The following OPCML variants were observed in gnomAD, a reference collection of about 807,000 sequenced individuals.
OPCML encodes the protein opioid-binding protein/cell adhesion molecule.
OPCML carries 13 observed loss-of-function variants against 37.8 expected under a neutral mutation model. The ratio of observed to expected loss-of-function variants is 0.34; its 90% CI spans 0.22 to 0.55. The LOEUF is 0.55. Among genes scored for constraint, OPCML ranks in the 20% least tolerant of loss-of-function variants. The pLI is 0.91. For missense variants in OPCML, 341 were observed against 435.6 expected (o/e 0.78, Z 1.93); for synonymous variants, 176 against 168.8 (o/e 1.04, Z -0.33).
intron 1 of OPCML, among the ~76,000 whole-genome samples, chr11:133,476,241 C>G (rs752737108): frequency 2.6e-5 from 4 of 152,198 alleles, no homozygotes; most frequent in Non-Finnish European, 5.9e-5. Flanking sequence ...AGTAGACAAA[C>G]AGTACAACAT....
chr11:133,437,328 C>A (rs780278386), intron 1 of OPCML, among the ~76,000 whole-genome samples: 15 of 152,142 alleles, frequency 9.9e-5, no homozygotes, highest in Non-Finnish European at 1.5e-5. Flanking sequence ...AGATGGCGGG[C>A]AGAAGCTATT....
At chr11:132,823,628 A>C (rs1940122227) in intron 2 of OPCML, among the ~76,000 whole-genome samples, 3 of 152,152 alleles carry the variant, frequency 2.0e-5, no homozygotes, top group Admixed American at 2.0e-4. Context: ...CACTCCCTTT[A>C]ACTCACTGCT....
At chr11:132,434,055 T>C (rs2096005724) in intron 7 of OPCML, among the ~76,000 whole-genome samples, 2 of 152,206 alleles carry the variant, frequency 1.3e-5, no homozygotes, top group Non-Finnish European at 1.5e-5. Context: ...CATTGGGTTG[T>C]CAGTCCTGTG....
chr11:133,152,572 C>CT (rs1040785165), intron 1 of OPCML, among the ~76,000 whole-genome samples: 1 of 151,046 alleles, frequency 6.6e-6, no homozygotes, highest in Non-Finnish European at 1.5e-5. Flanking sequence ...CCTCCTGATC[C>CT]CCCCCCAACC....
chr11:132,610,655 A>G (rs117449597), intron 3 of OPCML, among the ~76,000 whole-genome samples: 1,623 of 152,274 alleles, frequency 0.011, 12 homozygotes, highest in Non-Finnish European at 0.015. Context: ...ACTTGCAGCC[A>G]AAGAAACCAC....
intron 4 of OPCML, among the ~76,000 whole-genome samples, chr11:132,457,909 G>C (rs189109587): frequency 6.6e-6 from 1 of 152,190 alleles, no homozygotes; most frequent in African/African-American, 2.4e-5. Flanking sequence ...ATGGGTCCAC[G>C]CTAGTGAAAA....
chr11:133,116,999 G>A (rs532101297), intron 1 of OPCML, among the ~76,000 whole-genome samples: 1 of 151,906 alleles, frequency 6.6e-6, no homozygotes, highest in African/African-American at 2.4e-5. Flanking sequence ...ATTCCATGTA[G>A]TCATTCACTT....
At chr11:132,735,797 T>C (rs1253246032) in intron 2 of OPCML, among the ~76,000 whole-genome samples, 1 of 152,202 alleles carries the variant, frequency 6.6e-6, no homozygotes, top group African/African-American at 2.4e-5. Context: ...AAGGATTTTA[T>C]TGACAGATAT....
chr11:133,449,817 G>A (rs1946544904), intron 1 of OPCML, among the ~76,000 whole-genome samples: 1 of 151,602 alleles, frequency 6.6e-6, no homozygotes, highest in Admixed American at 6.6e-5. Flanking sequence ...ACATTCTGAG[G>A]CTCCAGGTAA....
intron 2 of OPCML, among the ~76,000 whole-genome samples, chr11:132,812,488 G>T (rs1591643140): frequency 6.6e-6 from 1 of 152,230 alleles, no homozygotes; most frequent in Non-Finnish European, 1.5e-5. Flanking sequence ...ACTGCAAAGA[G>T]GATATGAACT....
In OPCML at chr11:132,461,900, G is replaced by T. The variant is rs1302752869; in HGVS notation, c.506-24541C>A. On this transcript the variant is annotated intron_variant, in intron 4 of 7. Transcript: ENST00000524381. Reference sequence around the variant, plus strand: ...TCACTATCACGAGAACAGCATGAGGGTAACCACGCCCATGATTAAATTACC... The same window carrying T: ...TCACTATCACGAGAACAGCATGAGGTTAACCACGCCCATGATTAAATTACC... Among the ~76,000 whole-genome samples the T allele has an allele frequency of 2.0e-5, 3 of 152,250 alleles. No homozygotes were observed. The East Asian group carries it at 5.8e-4, about 29-fold the overall frequency.
intron 1 of OPCML, among the ~76,000 whole-genome samples, chr11:133,371,992 G>A (rs946070530): frequency 6.6e-6 from 1 of 152,136 alleles, no homozygotes; most frequent in Non-Finnish European, 1.5e-5. Context: ...GAGACAGAGA[G>A]TGGAATGATA....
At chr11:133,118,351 C>G in intron 1 of OPCML, 2 of 985,308 alleles carry the variant, frequency 2.0e-6, no homozygotes, top group Non-Finnish European at 2.4e-6. Flanking sequence ...CAAGGACATG[C>G]CGGTTGTTTA....
intron 1 of OPCML, among the ~76,000 whole-genome samples, chr11:133,201,313 T>C (rs569437414): frequency 3.6e-4 from 55 of 151,952 alleles, no homozygotes; most frequent in Middle Eastern, 3.4e-3. Context: ...TGCTTTTTTT[T>C]TTTTTACCAT....
intron 1 of OPCML, among the ~76,000 whole-genome samples, chr11:133,326,928 T>A (rs1453136789): frequency 8.7e-6 from 1 of 114,982 alleles, no homozygotes; most frequent in Non-Finnish European, 1.8e-5. Context: ...GGCGAGTGTG[T>A]GTGTGGGGCG....
intron 1 of OPCML, among the ~76,000 whole-genome samples, chr11:133,100,836 T>G (rs568721968): frequency 4.8e-4 from 73 of 152,332 alleles, no homozygotes; most frequent in Middle Eastern, 3.4e-3. Flanking sequence ...TAGGCCCAGA[T>G]GTAAAATACG....
intron 2 of OPCML, among the ~76,000 whole-genome samples, chr11:132,922,041 G>A (rs867105802): frequency 4.5e-4 from 68 of 151,920 alleles, no homozygotes; most frequent in African/African-American, 1.5e-3. Flanking sequence ...CACTGCGCCC[G>A]GCTAATTTTT....
intron 1 of OPCML, among the ~76,000 whole-genome samples, chr11:133,169,597 T>C (rs907776850): frequency 3.9e-5 from 6 of 152,178 alleles, no homozygotes; most frequent in African/African-American, 1.4e-4. Flanking sequence ...GCCTGGGATA[T>C]AGAAGCGAAA....
chr11:133,331,244 C>T (rs74477330), intron 1 of OPCML, among the ~76,000 whole-genome samples: 2,058 of 152,266 alleles, frequency 0.014, 46 homozygotes, highest in African/African-American at 0.045. Context: ...GCCTGGTAAG[C>T]TGGTAAGTTG....
Sources: allele counts gnomAD v4.1 joint callset (sites outside exome capture counted in the v4.1 genomes callset), GRCh38; gene constraint gnomAD v4.1.1; transcripts MANE v1.5; gene names NCBI Gene and HGNC (gene_info 2026-07-23, HGNC 2026-07-21).